The following ZNF490 variants were observed in gnomAD, a reference collection of about 807,000 sequenced individuals.
The protein encoded by ZNF490 is zinc finger protein 490.
A neutral mutation model predicts 17.7 loss-of-function variants in ZNF490; 11 were observed. The observed-to-expected ratio is 0.62, with a 90% CI of 0.39 to 1.03. The LOEUF is 1.03. Among genes scored for constraint, ZNF490 ranks in the 50% least tolerant of loss-of-function variants. The pLI, the probability that ZNF490 is intolerant of heterozygous loss-of-function variation, is 0.00. For missense variants in ZNF490, 542 were observed against 643.4 expected, an observed-to-expected ratio of 0.84 and a Z score of 1.71; for synonymous variants, 222 against 216.1, an observed-to-expected ratio of 1.03 and a Z score of -0.24.
chr19:12,590,050 G>A lies in ZNF490; in HGVS notation c.163-6494C>T, dbSNP rs144136527. Among the ~76,000 whole-genome samples, 52 of 151,918 alleles carry A rather than the reference G, an allele frequency of 3.4e-4. No homozygotes were observed. The East Asian group carries it at 8.5e-3, about 25-fold the overall frequency. On this transcript the variant is annotated intron_variant, in intron 2 of 4. Coordinates refer to ENST00000311437, the MANE Select transcript of ZNF490 (RefSeq NM_020714.3). ...CTGCCTCAGCCTCCGGAGTAGCTGG[G>A]ATTACAGGCATGTGCCACCACGCCC...
At chr19:12,593,684 A>G (rs1188752667) in intron 2 of ZNF490, among the ~76,000 whole-genome samples, 2 of 152,192 alleles carry the variant, frequency 1.3e-5, no homozygotes, top group African/African-American at 4.8e-5. Flanking sequence ...CCTTGAATCT[A>G]GTCCTTTATT....
chr19:12,583,292 G>T, intron 3 of ZNF490, 138 bp downstream of exon 3: 1 of 977,014 alleles, frequency 1.0e-6, no homozygotes, highest in Non-Finnish European at 1.4e-6. Flanking sequence ...GCCCGCCTCA[G>T]CCTCCCAAAG....
chr19:12,599,172 AAAAG>A (rs2022972985), intron 2 of ZNF490, among the ~76,000 whole-genome samples: 2 of 149,946 alleles, frequency 1.3e-5, no homozygotes, highest in Non-Finnish European at 3.0e-5. Flanking sequence ...AGAAAGAAAG[AAAAG>A]AAAAAAAAAG....
rs1477139037 is a variant in ZNF490, at chr19:12,583,553, A to C, written c.166T>G (p.Ser56Ala). 1.3e-6 allele frequency: 2 copies of C among 1,594,820 alleles called. No individual in the cohort carries two copies. The highest frequency in any genetic ancestry group is 1.7e-5 in the Admixed American group (1 of 59,204). ...HGQSIKTQTD[S>A]ISLEDVAVNF... ...ACAGCCACATCCTCAAGGGAGATGG[A>C]GTCCTAAAACATCCCCCATGTGTGT... Residue 56 changes from serine to alanine, a missense_variant, in exon 3 of 5, where the codon TCC becomes GCC. Coordinates refer to ENST00000311437, the MANE Select transcript of ZNF490 (RefSeq NM_020714.3).
Position 12,583,568 on chromosome 19 carries a change from C to T in ZNF490, c.163-12G>A, listed in dbSNP as rs1419037932. On this transcript the variant is annotated splice_polypyrimidine_tract_variant and intron_variant, in intron 2 of 4. Transcript: ENST00000311437. ...AGGGAGATGGAGTCCTAAAACATCC[C>T]CCATGTGTGTTTAGGAGGAGGAGAG... The T allele has an allele frequency of 6.3e-7, 1 of 1,578,254 alleles. No homozygotes were observed. The highest frequency in any genetic ancestry group is 8.6e-7 in the Non-Finnish European group (1 of 1,158,760).
chr19:12,607,817 T>G lies in ZNF490; in HGVS notation c.162+1341A>C, dbSNP rs568825708. On this transcript the variant is annotated intron_variant, in intron 2 of 4. Transcript: ENST00000311437. ...AGCAGCAAATCAGTGGAGGCCAGGA[T>G]TGATAGCTTCCCCATTTCGGGTTTT... Among the ~76,000 whole-genome samples, 10 of 151,812 alleles carry G rather than the reference T, an allele frequency of 6.6e-5. 1 individual carries two copies. The South Asian group carries it at 1.3e-3, about 19-fold the overall frequency.
At chr19:12,594,484 G>T (rs930809995) in intron 2 of ZNF490, among the ~76,000 whole-genome samples, 5 of 150,794 alleles carry the variant, frequency 3.3e-5, no homozygotes, top group African/African-American at 4.9e-5. Flanking sequence ...AAAAAGAAAA[G>T]AAAAGAAAAA....
At chr19:12,595,558 C>T (rs1020792016) in intron 2 of ZNF490, among the ~76,000 whole-genome samples, 3 of 151,822 alleles carry the variant, frequency 2.0e-5, no homozygotes, top group Non-Finnish European at 4.4e-5. Flanking sequence ...GATATGCTTC[C>T]GGTTATCTTC....
Position 12,581,184 on chromosome 19 carries a change from T to C in ZNF490, c.891A>G (p.Glu297=). 6.2e-7 allele frequency: 1 copy of C among 1,610,550 alleles called. No individual in the cohort carries two copies. The highest frequency in any genetic ancestry group is 8.5e-7 in the Non-Finnish European group (1 of 1,176,966). The change falls in exon 5 of 5, where the codon GAA becomes GAG. Residue 297 remains glutamate (E), a synonymous_variant. Transcript: ENST00000311437. The stretch of plus-strand genomic sequence containing the variant: ...AAGGTTTCTCTCCAGTGTGAGTCCT[T>C]TCGTGGGTTAGAAAAGGCTGGTAAT... ...FIYYQPFLTH[E]RTHTGEKPYE...
At chr19:12,596,906 G>A (rs1399853546) in intron 2 of ZNF490, among the ~76,000 whole-genome samples, 1 of 152,178 alleles carries the variant, frequency 6.6e-6, no homozygotes, top group Non-Finnish European at 1.5e-5. Context: ...TGACTTTCCC[G>A]TGGCCCCTGC....
Position 12,579,019 on chromosome 19 carries a change from C to T in ZNF490, c.*1466G>A, listed in dbSNP as rs546569260. 9.6e-5 allele frequency: 78 copies of T among 813,024 alleles called. No homozygotes were observed. The South Asian group carries it at 2.6e-3, about 27-fold the overall frequency. 50.4% of individuals were successfully genotyped at this position (813,024 alleles called of 1,614,324 possible). A position where few individuals can be genotyped will look rare whatever the true frequency, so the allele number is the denominator to read the frequency against. ...CTATAATCCCAGCACTTTGGGAGGC[C>T]GAGGAGGGCGGATCACGAGGTCAGG... On this transcript the variant is annotated 3_prime_UTR_variant, in exon 5 of 5. Coordinates refer to ENST00000311437, the MANE Select transcript of ZNF490 (RefSeq NM_020714.3).
chr19:12,595,189 T>C (rs544785129), intron 2 of ZNF490, among the ~76,000 whole-genome samples: 2 of 152,158 alleles, frequency 1.3e-5, no homozygotes, highest in African/African-American at 4.8e-5. Flanking sequence ...TTGTCCCTGC[T>C]GGAGTGCAAG....
rs2023025587 is a variant in ZNF490, at chr19:12,603,025, A to T, written c.162+6133T>A. 2.6e-5 allele frequency among the ~76,000 whole-genome samples: 4 copies of T among 152,282 alleles called. No homozygotes were observed. The East Asian group carries it at 5.8e-4, about 22-fold the overall frequency. ...AACTATGGATTCTTAGAGAATATCC[A>T]AGTTATAATTGAATCAAACTGCAGA... is the stretch of plus-strand genomic sequence containing the variant. On this transcript the variant is annotated intron_variant, in intron 2 of 4. Coordinates refer to ENST00000311437, the MANE Select transcript of ZNF490 (RefSeq NM_020714.3).
At chr19:12,601,180 A>C (rs113550847) in intron 2 of ZNF490, among the ~76,000 whole-genome samples, 2,857 of 151,636 alleles carry the variant, frequency 0.019, 47 homozygotes, top group Middle Eastern at 0.045. Context: ...CGAGGTCAGG[A>C]GATCGAGACC....
chr19:12,601,342 T>G (rs1221047849), intron 2 of ZNF490, among the ~76,000 whole-genome samples: 1 of 151,250 alleles, frequency 6.6e-6, no homozygotes, highest in Non-Finnish European at 1.5e-5. Context: ...GAGCCGATAT[T>G]GCGCCATTGC....
Position 12,583,483 on chromosome 19 carries a change from C to T in ZNF490, c.236G>A (p.Arg79Lys). ...CCGCATCACATCTCTGTAGATATTC[C>T]TCTGGCCAGGATCCAGCAAAGCCCA... ...EEWALLDPGQ[R>K]NIYRDVMRAT... Residue 79 changes from arginine (R) to lysine (K), a missense_variant, in exon 3 of 5, where the codon AGG becomes AAG. Arg to Lys is a conservative substitution (Grantham distance 26, BLOSUM62 2). Coordinates refer to ENST00000311437, the MANE Select transcript of ZNF490 (RefSeq NM_020714.3). 5.6e-6 allele frequency: 9 copies of T among 1,607,216 alleles called. No homozygotes were observed. Among genetic ancestry groups the T allele is most frequent in the Non-Finnish European group, 7.7e-6 (9 of 1,175,610 alleles).
In ZNF490 at chr19:12,580,390, A is replaced by T; in HGVS notation, c.*95T>A. ...TTAGGACAACTGAAGGCTTAATCAC[A>T]CCGTTTACATTCCTTGAATTTCTCT... On this transcript the variant is annotated 3_prime_UTR_variant, in exon 5 of 5. Coordinates refer to ENST00000311437, the MANE Select transcript of ZNF490 (RefSeq NM_020714.3). The T allele has an allele frequency of 6.7e-7, 1 of 1,498,950 alleles. No individual in the cohort carries two copies. Among genetic ancestry groups the T allele is most frequent in the Non-Finnish European group, 8.9e-7 (1 of 1,128,366 alleles). 92.9% of individuals were successfully genotyped at this position (1,498,950 alleles called of 1,614,324 possible).
Position 12,610,720 on chromosome 19 carries a change from G to A in ZNF490, c.-40C>T. 6.3e-7 allele frequency: 1 copy of A among 1,585,268 alleles called. No homozygotes were observed. The highest frequency in any genetic ancestry group is 8.6e-7 in the Non-Finnish European group (1 of 1,156,754). On this transcript the variant is annotated 5_prime_UTR_variant, in exon 1 of 5. In the 5' UTR this introduces an upstream ATG that the reference lacks. Coordinates refer to ENST00000311437, the MANE Select transcript of ZNF490 (RefSeq NM_020714.3). ...CCAGAAACACTGCAGGAAGACTTCC[G>A]TGTCCGACCCGAGATCCGGAACAAT...
At chr19:12,589,214 A>G (rs2022836983) in intron 2 of ZNF490, among the ~76,000 whole-genome samples, 1 of 152,130 alleles carries the variant, frequency 6.6e-6, no homozygotes, top group South Asian at 2.1e-4. Context: ...AAAATTAGCC[A>G]GGCATGGTGG....
Sources: allele counts gnomAD v4.1 joint callset (sites outside exome capture counted in the v4.1 genomes callset), GRCh38; gene constraint gnomAD v4.1.1; transcripts MANE v1.5; gene names NCBI Gene and HGNC (gene_info 2026-07-23, HGNC 2026-07-21).